The following EHD4 variants were observed in gnomAD, a reference collection of about 807,000 sequenced individuals.
EHD4 encodes the protein EH domain containing 4.
In EHD4, 37 loss-of-function variants were observed where a neutral mutation model predicts 51.0. That is an observed-to-expected ratio of 0.73 (90% CI 0.56 to 0.95). The LOEUF is 0.95. Among genes scored for constraint, EHD4 ranks in the 40% least tolerant of loss-of-function variants. The pLI is 0.00. For missense variants in EHD4, 632 were observed against 733.1 expected (o/e 0.86, Z 1.59); for synonymous variants, 297 against 317.3 (o/e 0.94, Z 0.68).
rs1260942601 is a variant in EHD4, at chr15:41,898,427, A to G, written c.*2218T>C. The G allele has an allele frequency of 6.6e-6, 1 of 152,264 alleles. No individual in the cohort carries two copies. The highest frequency in any genetic ancestry group is 2.4e-5 in the African/African-American group (1 of 41,464). 9.4% of individuals were successfully genotyped at this position (152,264 alleles called of 1,614,324 possible). A position where few individuals can be genotyped will look rare whatever the true frequency, so the allele number is the denominator to read the frequency against. Reference sequence around the variant, plus strand: ...ATATGACAATTGAGGAGAGTTAAAGAACAAGATAATTCTGGATGGAAAAAT... The same window carrying G: ...ATATGACAATTGAGGAGAGTTAAAGGACAAGATAATTCTGGATGGAAAAAT... On this transcript the variant is annotated 3_prime_UTR_variant, in exon 6 of 6. Coordinates refer to ENST00000220325, the MANE Select transcript of EHD4 (RefSeq NM_139265.4).
chr15:41,929,474 C>T (rs1357504054), intron 3 of EHD4, among the ~76,000 whole-genome samples: 1 of 152,342 alleles, frequency 6.6e-6, no homozygotes, highest in Non-Finnish European at 1.5e-5. Context: ...TGCTTCTGGG[C>T]ATGTGACCAA....
intron 5 of EHD4, chr15:41,908,077 G>C (rs8039061): frequency 6.6e-6 from 1 of 151,694 alleles, no homozygotes; most frequent in Admixed American, 6.6e-5. Flanking sequence ...TGTTGGCCAG[G>C]CTGGTCTTGA....
At chr15:41,961,519 T>C (rs1254850715) in intron 1 of EHD4, among the ~76,000 whole-genome samples, 1 of 152,216 alleles carries the variant, frequency 6.6e-6, no homozygotes, top group Non-Finnish European at 1.5e-5. Context: ...ATCCCAAAGT[T>C]ACTTGACTAT....
intron 1 of EHD4, among the ~76,000 whole-genome samples, chr15:41,954,565 T>C (rs1303282223): frequency 1.3e-5 from 2 of 152,234 alleles, no homozygotes; most frequent in African/African-American, 4.8e-5. Context: ...AATACAATTT[T>C]TCCATCTTTA....
intron 3 of EHD4, among the ~76,000 whole-genome samples, chr15:41,929,285 C>G (rs1429399053): frequency 1.1e-4 from 16 of 152,234 alleles, no homozygotes; most frequent in Admixed American, 1.0e-3. Flanking sequence ...AAGCTAACCT[C>G]ACAGCCTGTC....
chr15:41,939,874 G>A (rs1416766675), intron 3 of EHD4, among the ~76,000 whole-genome samples: 2 of 152,006 alleles, frequency 1.3e-5, no homozygotes, highest in Non-Finnish European at 2.9e-5. Context: ...TTTCCATACG[G>A]AGTAGTATAC....
At chr15:41,932,924 T>C (rs2067708103) in intron 3 of EHD4, among the ~76,000 whole-genome samples, 1 of 152,228 alleles carries the variant, frequency 6.6e-6, no homozygotes, top group East Asian at 1.9e-4. Flanking sequence ...CCGTCTATTC[T>C]GGGACCACCC....
intron 3 of EHD4, chr15:41,925,956 G>T (rs2067657851): frequency 6.6e-6 from 1 of 152,166 alleles, no homozygotes; most frequent in South Asian, 2.1e-4. Context: ...ATAGCACGGG[G>T]GTCCCTGAGG....
chr15:41,918,849 G>A (rs749451664), intron 4 of EHD4, among the ~76,000 whole-genome samples: 3 of 152,198 alleles, frequency 2.0e-5, no homozygotes, highest in Non-Finnish European at 4.4e-5. Flanking sequence ...TATTCCTATC[G>A]TCCTGACATC....
At position 41,907,878 on chromosome 15, in the gene EHD4, T is replaced by TA. The variant is rs1567243923; in HGVS notation, c.1089+1820_1089+1821insT. On this transcript the variant is annotated intron_variant, in intron 5 of 5. Coordinates refer to ENST00000220325, the MANE Select transcript of EHD4 (RefSeq NM_139265.4). The stretch of plus-strand genomic sequence containing the variant: ...TGTGTGTGTGTGTGTGTGTATATAT[T>TA]TATTTATTTTTTGAGATGGGGTCTG... Among the ~76,000 whole-genome samples the TA allele has an allele frequency of 2.5e-4, 33 of 134,120 alleles. No homozygotes were observed. In the South Asian group the frequency reaches 3.8e-3, roughly 15 times the overall value. 88.0% of individuals were successfully genotyped at this position (134,120 alleles called of 152,430 possible).
At chr15:41,934,700 C>T (rs551483007) in intron 3 of EHD4, among the ~76,000 whole-genome samples, 52 of 152,228 alleles carry the variant, frequency 3.4e-4, no homozygotes, top group African/African-American at 1.1e-3. Context: ...CATTTGCAGC[C>T]GTGTGGACTC....
At chr15:41,969,523 G>A (rs1358953392) in intron 1 of EHD4, among the ~76,000 whole-genome samples, 1 of 151,320 alleles carries the variant, frequency 6.6e-6, no homozygotes, top group African/African-American at 2.4e-5. Context: ...TCCAGCCTGG[G>A]CAACAACAGC....
intron 4 of EHD4, among the ~76,000 whole-genome samples, chr15:41,910,121 G>A (rs902562283): frequency 2.0e-4 from 30 of 151,968 alleles, no homozygotes; most frequent in Admixed American, 1.9e-3. Context: ...TAGGGAGTGA[G>A]TGGTATGGGT....
chr15:41,917,593 G>A (rs753551575), intron 4 of EHD4, among the ~76,000 whole-genome samples: 1 of 152,184 alleles, frequency 6.6e-6, no homozygotes, highest in South Asian at 2.1e-4. Flanking sequence ...CTAATGTGGG[G>A]TGTCACACAC....
At position 41,919,638 on chromosome 15, in the gene EHD4, G is replaced by A; in HGVS notation, c.512-16C>T. 6.6e-7 allele frequency: 1 copy of A among 1,507,152 alleles called. No individual in the cohort carries two copies. Among genetic ancestry groups the A allele is most frequent in the Non-Finnish European group, 8.9e-7 (1 of 1,128,870 alleles). The allele number at this position is 1,507,152 out of a possible 1,614,324, so 93.4% of individuals were successfully genotyped here. A position where few individuals can be genotyped will look rare whatever the true frequency, so the allele number is the denominator to read the frequency against. ...AAGTCATAGCCTGGGTGGAGAGAAG[G>A]ACACGTCAGTGTAGCCACTGCTGCA... On this transcript the variant is annotated splice_polypyrimidine_tract_variant and intron_variant, in intron 3 of 5. Transcript: ENST00000220325.
intron 1 of EHD4, among the ~76,000 whole-genome samples, chr15:41,960,466 A>C (rs2067917301): frequency 6.6e-6 from 1 of 152,154 alleles, no homozygotes; most frequent in South Asian, 2.1e-4. Context: ...TTCTTTGAAA[A>C]CATGATTTTT....
chr15:41,925,142 A>G (rs1020742131), intron 3 of EHD4, among the ~76,000 whole-genome samples: 1 of 152,096 alleles, frequency 6.6e-6, no homozygotes, highest in African/African-American at 2.4e-5. Context: ...TAGGAAGAAA[A>G]GAAAGAAAAA....
chr15:41,919,724 G>C (rs2067611775), intron 3 of EHD4, 102 bp from the exon 4 acceptor site: 9 of 1,190,700 alleles, frequency 7.6e-6, no homozygotes, highest in East Asian at 2.8e-5. Context: ...GCCAGGGAGA[G>C]AGCCCTGTCT....
intron 2 of EHD4, among the ~76,000 whole-genome samples, chr15:41,948,014 T>TG (rs753022321): frequency 1.5e-4 from 18 of 118,830 alleles, no homozygotes; most frequent in Non-Finnish European, 2.7e-4. Context: ...CCCAGCACTT[T>TG]GGGAGGCCAA....
Sources: gnomAD v4.1 joint callset for allele counts (sites outside exome capture counted in the v4.1 genomes callset) on GRCh38, gnomAD v4.1.1 for gene constraint, MANE v1.5 for transcripts, NCBI Gene and HGNC (gene_info 2026-07-23, HGNC 2026-07-21) for gene names.